Variants in RALGAPA2 observed in about 807,000 individuals in gnomAD.
The protein encoded by RALGAPA2 is Ral GTPase activating protein catalytic subunit alpha 2.
In RALGAPA2, 139 loss-of-function variants were observed where a neutral mutation model predicts 230.4. The ratio of observed to expected loss-of-function variants is 0.60; its 90% CI spans 0.53 to 0.69. RALGAPA2 has a LOEUF of 0.69. Ranked by LOEUF, RALGAPA2 falls within the 30% of genes least tolerant of loss-of-function variation. The probability of loss-of-function intolerance (pLI) is 0.00; values close to 1 mark genes in which losing one functional copy is unlikely to be tolerated. For synonymous variants in RALGAPA2, 847 were observed against 837.8 expected (o/e 1.01, Z -0.19); for missense variants, 2,163 against 2,276.0 (o/e 0.95, Z 1.01).
intron 36 of RALGAPA2, among the ~76,000 whole-genome samples, chr20:20,473,781 T>G (rs1200974846): frequency 6.6e-6 from 1 of 152,252 alleles, no homozygotes. Context: ...TCTTTAATTT[T>G]ATTCAGTAAC....
intron 31 of RALGAPA2, among the ~76,000 whole-genome samples, chr20:20,515,915 G>A (rs1252967962): frequency 1.3e-5 from 2 of 152,158 alleles, no homozygotes; most frequent in African/African-American, 2.4e-5. Context: ...GGCACTACCC[G>A]AAAGCCAGGT....
intron 1 of RALGAPA2, among the ~76,000 whole-genome samples, chr20:20,707,098 A>G (rs2069638195): frequency 6.6e-6 from 1 of 152,090 alleles, no homozygotes; most frequent in Non-Finnish European, 1.5e-5. Context: ...CTTGCCCAGG[A>G]TCCCTTCCCC....
intron 37 of RALGAPA2, among the ~76,000 whole-genome samples, chr20:20,460,679 T>G (rs984799447): frequency 6.6e-6 from 1 of 152,202 alleles, no homozygotes; most frequent in African/African-American, 2.4e-5. Context: ...ACTATCCTAC[T>G]GAGTTATTGT....
chr20:20,600,260 C>A (rs1231917882), intron 16 of RALGAPA2, among the ~76,000 whole-genome samples: 1 of 152,158 alleles, frequency 6.6e-6, no homozygotes, highest in Non-Finnish European at 1.5e-5. Flanking sequence ...CGCTCCACTG[C>A]GGTTCAGCCT....
Position 20,495,253 on chromosome 20 carries a change from T to G in RALGAPA2, c.5231A>C (p.Glu1744Ala). 2 of 1,538,732 alleles carry G rather than the reference T, an allele frequency of 1.3e-6. No homozygotes were observed. Among genetic ancestry groups the G allele is most frequent in the South Asian group, 2.5e-5 (2 of 80,226 alleles). The stretch of plus-strand genomic sequence containing the variant: ...GTGTTCAGACCAGACGATATGGACC[T>G]CGTCATTCCCCAAGTGACGAAGCTG... ...TKKLRHLGND[E>A]VHIVWSEHSR... The change falls in exon 36 of 40, where the codon GAG becomes GCG. Residue 1744 changes from glutamate (E) to alanine (A), a missense_variant. Physicochemically the swap from Glu to Ala is moderately radical, Grantham distance 107. Transcript: ENST00000202677.
intron 3 of RALGAPA2, among the ~76,000 whole-genome samples, chr20:20,671,083 G>A (rs1450725483): frequency 6.6e-6 from 1 of 152,118 alleles, no homozygotes; most frequent in Non-Finnish European, 1.5e-5. Context: ...TCCCACTAGA[G>A]AGGAAGGCAG....
intron 20 of RALGAPA2, 135 bp downstream of exon 20, chr20:20,582,914 TG>T (rs1187551208): frequency 2.3e-6 from 2 of 854,070 alleles, no homozygotes; most frequent in Non-Finnish European, 3.6e-6. Context: ...CTTCCTCCTA[TG>T]GTGGACAGTG....
At chr20:20,646,840 T>C in intron 4 of RALGAPA2, among the ~76,000 whole-genome samples, 1 of 152,150 alleles carries the variant, frequency 6.6e-6, no homozygotes, top group East Asian at 1.9e-4. Context: ...CTGAACCATA[T>C]AGGAACCAGA....
intron 3 of RALGAPA2, among the ~76,000 whole-genome samples, chr20:20,670,873 C>A (rs1180749561): frequency 6.6e-6 from 1 of 151,328 alleles, no homozygotes; most frequent in Non-Finnish European, 1.5e-5. Context: ...TTGCTTGAAC[C>A]CAGAAGGTAG....
At chr20:20,521,776 A>G (rs1316381337) in intron 30 of RALGAPA2, among the ~76,000 whole-genome samples, 1 of 152,186 alleles carries the variant, frequency 6.6e-6, no homozygotes, top group Non-Finnish European at 1.5e-5. Context: ...AAGATCATCA[A>G]CTCCAAACAC....
At chr20:20,488,299 G>A (rs1219467394) in intron 36 of RALGAPA2, among the ~76,000 whole-genome samples, 3 of 152,170 alleles carry the variant, frequency 2.0e-5, no homozygotes, top group African/African-American at 7.2e-5. Flanking sequence ...AACCTGGTAG[G>A]TATCCTAGAG....
chr20:20,431,724 T>C (rs1306056123), intron 37 of RALGAPA2, among the ~76,000 whole-genome samples: 1 of 152,220 alleles, frequency 6.6e-6, no homozygotes, highest in African/African-American at 2.4e-5. Flanking sequence ...AATGTAAGTA[T>C]GTGAAGTAAT....
rs752619563 is a variant in RALGAPA2, at chr20:20,583,204, T to G, written c.2553A>C (p.Thr851=). The change falls in exon 20 of 40, where the codon ACA becomes ACC. Residue 851 remains threonine (T), a synonymous_variant. Coordinates refer to ENST00000202677, the MANE Select transcript of RALGAPA2 (RefSeq NM_020343.4). ...RQKSESTNSD[T]TLGCTNEAEL... is the part of the protein sequence containing the mutation. ...CTGCCTCATTGGTACAGCCCAGAGTTGTGTCACTGTTGGTACTTTCACCTG... is the reference window on the plus strand; with the variant it reads ...CTGCCTCATTGGTACAGCCCAGAGTGGTGTCACTGTTGGTACTTTCACCTG... 2 of 1,607,802 alleles carry G rather than the reference T, an allele frequency of 1.2e-6. No homozygotes were observed. The highest frequency in any genetic ancestry group is 2.2e-5 in the South Asian group (2 of 89,592).
chr20:20,550,186 T>C (rs2063884363), intron 23 of RALGAPA2, among the ~76,000 whole-genome samples: 1 of 152,322 alleles, frequency 6.6e-6, no homozygotes, highest in South Asian at 2.1e-4. Context: ...ATTATTCTTA[T>C]GCCTCTGCGT....
chr20:20,410,641 T>C (rs1379094759), intron 38 of RALGAPA2, among the ~76,000 whole-genome samples: 1 of 152,214 alleles, frequency 6.6e-6, no homozygotes, highest in African/African-American at 2.4e-5. Flanking sequence ...TTGAAACGAA[T>C]TTGTTTTTGT....
chr20:20,438,812 C>G (rs1465010356), intron 37 of RALGAPA2, among the ~76,000 whole-genome samples: 1 of 152,146 alleles, frequency 6.6e-6, no homozygotes, highest in Non-Finnish European at 1.5e-5. Context: ...CAACTAAATT[C>G]ATATATATTT....
At position 20,511,261 on chromosome 20, in the gene RALGAPA2, G is replaced by T. The variant is rs373128362; in HGVS notation, c.4921C>A (p.Arg1641Ser). 1.1e-4 allele frequency: 179 copies of T among 1,575,606 alleles called. No individual in the cohort carries two copies. Among genetic ancestry groups the T allele is most frequent in the Non-Finnish European group, 1.2e-4 (139 of 1,159,746 alleles). Residue 1641 changes from arginine to serine, a missense_variant, in exon 33 of 40, where the codon CGC becomes AGC. Transcript: ENST00000202677. ...LLRELKNLDSRQCRETHKIAV... is the reference protein window; with the variant it reads ...LLRELKNLDSSQCRETHKIAV... ...TGATATACTTTCACATACCACTGGCGGGAGTCCAAATTTTTCAGCTCTCTC... is the reference window on the plus strand; with the variant it reads ...TGATATACTTTCACATACCACTGGCTGGAGTCCAAATTTTTCAGCTCTCTC...
At chr20:20,443,556 C>T (rs917773414) in intron 37 of RALGAPA2, among the ~76,000 whole-genome samples, 3 of 152,194 alleles carry the variant, frequency 2.0e-5, no homozygotes, top group African/African-American at 7.2e-5. Flanking sequence ...TTGCAGCCAC[C>T]TCAATCTTCC....
At chr20:20,426,458 C>CGTGTTTG (rs1403027945) in intron 37 of RALGAPA2, among the ~76,000 whole-genome samples, 1 of 152,162 alleles carries the variant, frequency 6.6e-6, no homozygotes, top group Non-Finnish European at 1.5e-5. Context: ...TGAAGGTCTA[C>CGTGTTTG]GTGTTTGAGT....
Sources: allele counts gnomAD v4.1 joint callset (sites outside exome capture counted in the v4.1 genomes callset), GRCh38; gene constraint gnomAD v4.1.1; transcripts MANE v1.5; gene names NCBI Gene and HGNC (gene_info 2026-07-23, HGNC 2026-07-21).